The following PANK4 variants were observed in gnomAD, a reference collection of about 807,000 sequenced individuals.
The protein encoded by PANK4 is pantothenate kinase 4 (inactive).
In PANK4, 40 loss-of-function variants were observed where a neutral mutation model predicts 87.9. That is an observed-to-expected ratio of 0.46 (90% CI 0.35 to 0.59). The LOEUF is 0.59. PANK4 is among the 20% of genes least tolerant of loss of function. The pLI is 0.00. For missense variants in PANK4, 926 were observed against 1,072.3 expected (o/e 0.86, Z 1.90); for synonymous variants, 524 against 467.4 (o/e 1.12, Z -1.56).
Position 2,519,140 on chromosome 1 carries a change from T to C in PANK4, c.1035+3A>G, listed in dbSNP as rs775623024. ...AGGCTGGGGAGGGCGGCGCATCCGT[T>C]ACCTTGGAGAAGAAGTTGATGCTAT... is the stretch of plus-strand genomic sequence containing the variant. On this transcript the variant is annotated splice_donor_region_variant and intron_variant, in intron 7 of 18. Coordinates refer to ENST00000378466, the MANE Select transcript of PANK4 (RefSeq NM_018216.4). The surrounding 1 kb of genome is among the most constrained non-coding windows in gnomAD (Gnocchi z 8.3). The C allele has an allele frequency of 8.1e-6, 13 of 1,610,444 alleles. No homozygotes were observed. The highest frequency in any genetic ancestry group is 1.1e-5 in the Non-Finnish European group (13 of 1,178,522).
chr1:2,511,293 C>A (rs368798255), intron 15 of PANK4, 45 bp downstream of exon 15: 2 of 1,432,074 alleles, frequency 1.4e-6, no homozygotes, highest in Non-Finnish European at 2.0e-6. Context: ...CCCCCCGGGC[C>A]CCGCTGTGTC....
chr1:2,511,027 C>T (rs1341790671), intron 15 of PANK4, among the ~76,000 whole-genome samples: 1 of 151,826 alleles, frequency 6.6e-6, no homozygotes, highest in Non-Finnish European at 1.5e-5. Context: ...GGCACCGGGA[C>T]GGGCCAGCCT....
At chr1:2,518,291 G>T (rs759887216) in intron 8 of PANK4, 27 bp from the exon 9 acceptor site, 22 of 1,500,824 alleles carry the variant, frequency 1.5e-5, no homozygotes, top group Non-Finnish European at 2.0e-5. Flanking sequence ...CAGGTCACTT[G>T]TGTTAACCTT....
At chr1:2,517,209 C>T (rs1339475831) in intron 9 of PANK4, among the ~76,000 whole-genome samples, 2 of 152,236 alleles carry the variant, frequency 1.3e-5, no homozygotes, top group Non-Finnish European at 2.9e-5. Context: ...CTGCCTAGTG[C>T]TGGCGGTGGG....
chr1:2,514,911 C>T (rs528355029), intron 10 of PANK4, among the ~76,000 whole-genome samples: 122 of 152,116 alleles, frequency 8.0e-4, no homozygotes, highest in Non-Finnish European at 8.4e-4. Flanking sequence ...TCCTCAGACT[C>T]GAGCCCCCAT....
Position 2,510,625 on chromosome 1 carries a change from C to T in PANK4, c.1938+53G>A. On this transcript the variant is annotated intron_variant, in intron 16 of 18. Coordinates refer to ENST00000378466, the MANE Select transcript of PANK4 (RefSeq NM_018216.4). The surrounding 1 kb of genome is among the most constrained non-coding windows in gnomAD (Gnocchi z 4.9). ...GAGGCCCACAGCGGCGCCAACCCCACCGAGAGCAGAGAAGCCCAGGGGAAG... is the reference window on the plus strand; with the variant it reads ...GAGGCCCACAGCGGCGCCAACCCCATCGAGAGCAGAGAAGCCCAGGGGAAG... 2 of 1,112,328 alleles carry T rather than the reference C, an allele frequency of 1.8e-6. No homozygotes were observed. The highest frequency in any genetic ancestry group is 1.2e-5 in the South Asian group (1 of 80,410). 68.9% of individuals were successfully genotyped at this position (1,112,328 alleles called of 1,614,324 possible).
chr1:2,519,076 G>A lies in PANK4; in HGVS notation c.1035+67C>T, dbSNP rs963325932. 2.0e-6 allele frequency: 3 copies of A among 1,467,442 alleles called. No individual in the cohort carries two copies. Among genetic ancestry groups the A allele is most frequent in the Non-Finnish European group, 2.8e-6 (3 of 1,064,004 alleles). The allele number at this position is 1,467,442 out of a possible 1,614,324, so 90.9% of individuals were successfully genotyped here. On this transcript the variant is annotated intron_variant, in intron 7 of 18. Transcript: ENST00000378466. This position sits in a 1 kb window ranked among gnomAD's most constrained non-coding sequence, Gnocchi z 8.3. ...CTGGGGGTGCTGCGGTGTCTAACCA[G>A]CATGACTGATTGGGAAGATCCTGGG...
chr1:2,508,707 A>T lies in PANK4; in HGVS notation c.*140T>A. ...AAGCTGCGTCTCGCCTCTGGGTCAC[A>T]CGCATCTGTGCGGCTGGGGTGTATG... On this transcript the variant is annotated 3_prime_UTR_variant, in exon 19 of 19. Coordinates refer to ENST00000378466, the MANE Select transcript of PANK4 (RefSeq NM_018216.4). This position sits in a 1 kb window ranked among gnomAD's most constrained non-coding sequence, Gnocchi z 5.1. The T allele has an allele frequency of 1.6e-6, 1 of 617,898 alleles. No homozygotes were observed. Among genetic ancestry groups the T allele is most frequent in the Non-Finnish European group, 2.9e-6 (1 of 343,098 alleles). 38.3% of individuals were successfully genotyped at this position (617,898 alleles called of 1,614,324 possible).
chr1:2,510,058 G>C lies in PANK4; in HGVS notation c.2038C>G (p.His680Asp). 6.2e-7 allele frequency: 1 copy of C among 1,606,980 alleles called. No homozygotes were observed. Among genetic ancestry groups the C allele is most frequent in the Middle Eastern group, 1.7e-4 (1 of 6,056 alleles). Residue 680 changes from histidine (H) to aspartate (D), a missense_variant and splice_region_variant, in exon 17 of 19, where the codon CAC (histidine) becomes GAC (aspartate). By Grantham distance (81) the His-to-Asp change is moderately conservative. Coordinates refer to ENST00000378466, the MANE Select transcript of PANK4 (RefSeq NM_018216.4). This position sits in a 1 kb window ranked among gnomAD's most constrained non-coding sequence, Gnocchi z 4.9. The stretch of plus-strand genomic sequence containing the variant: ...CCAGCACTGCCCGCCAACACTCACT[G>C]CACGACAGGGTCCATGCCCGCAATA... ...ERIAGMDPVVHSALQEERLLL... is the reference protein window; with the variant it reads ...ERIAGMDPVVDSALQEERLLL...
At chr1:2,511,270 C>A (rs567816809) in intron 15 of PANK4, 68 bp downstream of exon 15, 2 of 1,142,874 alleles carry the variant, frequency 1.7e-6, no homozygotes, top group South Asian at 1.2e-5. Context: ...GCCCACCTCC[C>A]TCCAGTGACC....
At position 2,520,517 on chromosome 1, in the gene PANK4, C is replaced by T. The variant is rs1304926344; in HGVS notation, c.607-103G>A. On this transcript the variant is annotated intron_variant, in intron 4 of 18. Coordinates refer to ENST00000378466, the MANE Select transcript of PANK4 (RefSeq NM_018216.4). This position sits in a 1 kb window ranked among gnomAD's most constrained non-coding sequence, Gnocchi z 6.2. The stretch of plus-strand genomic sequence containing the variant: ...TGCGCTGGGGTGAACCCCGCCCCCA[C>T]CCCAACCGCCAGTGGGAGGACTCTC... 1 of 1,072,940 alleles carries T rather than the reference C, an allele frequency of 9.3e-7. No individual in the cohort carries two copies. Among genetic ancestry groups the T allele is most frequent in the Non-Finnish European group, 1.4e-6 (1 of 734,700 alleles). 66.5% of individuals were successfully genotyped at this position (1,072,940 alleles called of 1,614,324 possible). A position where few individuals can be genotyped will look rare whatever the true frequency, so the allele number is the denominator to read the frequency against.
In PANK4 at chr1:2,519,371, C is replaced by A; in HGVS notation, c.854-47G>T. 1 of 1,433,500 alleles carries A rather than the reference C, an allele frequency of 7.0e-7. No individual in the cohort carries two copies. Among genetic ancestry groups the A allele is most frequent in the South Asian group, 1.2e-5 (1 of 80,874 alleles). 88.8% of individuals were successfully genotyped at this position (1,433,500 alleles called of 1,614,324 possible). On this transcript the variant is annotated intron_variant, in intron 6 of 18. Transcript: ENST00000378466. The surrounding 1 kb of genome is among the most constrained non-coding windows in gnomAD (Gnocchi z 8.3). ...CACTCATCTCCAAGTACAGCAAGTG[C>A]ACGACATGAGAGCGAGCAGGAGGGG...
At chr1:2,518,935 C>T (rs1643835389) in intron 7 of PANK4, among the ~76,000 whole-genome samples, 1 of 152,244 alleles carries the variant, frequency 6.6e-6, no homozygotes, top group Non-Finnish European at 1.5e-5. Context: ...CTAGAATGCT[C>T]ATCACTGGTG....
rs774664906 is a variant in PANK4, at chr1:2,519,108, G to A, written c.1035+35C>T. 9 of 1,586,670 alleles carry A rather than the reference G, an allele frequency of 5.7e-6. No individual in the cohort carries two copies. The highest frequency in any genetic ancestry group is 7.8e-6 in the Non-Finnish European group (9 of 1,160,516). On this transcript the variant is annotated intron_variant, in intron 7 of 18. Transcript: ENST00000378466. The surrounding 1 kb of genome is among the most constrained non-coding windows in gnomAD (Gnocchi z 8.3). ...TGATTGGGAAGATCCTGGGGGGTCT[G>A]CGTTAGAGGCTGGGGAGGGCGGCGC...
rs756129472 is a variant in PANK4, at chr1:2,519,251, G to T, written c.927C>A (p.Leu309=). Residue 309 remains leucine (L), a synonymous_variant, in exon 7 of 19, where the codon CTC becomes CTA. Transcript: ENST00000378466. This position sits in a 1 kb window ranked among gnomAD's most constrained non-coding sequence, Gnocchi z 8.3. ...GGTCCAGGCTGTGCAGCCGTGCGTG[G>T]AGGCAGGCCAGCTGCCCAATGTCGT... ...ISNDIGQLAC[L]HARLHSLDRV... 1 of 1,612,654 alleles carries T rather than the reference G, an allele frequency of 6.2e-7. No individual in the cohort carries two copies. Among genetic ancestry groups the T allele is most frequent in the South Asian group, 1.1e-5 (1 of 91,084 alleles).
intron 12 of PANK4, 146 bp from the exon 13 acceptor site, chr1:2,513,185 C>G (rs1374755420): frequency 2.4e-5 from 20 of 825,268 alleles, no homozygotes; most frequent in Non-Finnish European, 3.8e-5. Context: ...ACAAGCCTAT[C>G]GGTCCGGGAC....
At chr1:2,517,468 G>A (rs1643801339) in intron 9 of PANK4, among the ~76,000 whole-genome samples, 1 of 152,260 alleles carries the variant, frequency 6.6e-6, no homozygotes, top group South Asian at 2.1e-4. Context: ...ACTGCTCACA[G>A]CTACAGAAGG....
At position 2,521,712 on chromosome 1, in the gene PANK4, G is replaced by C. The variant is rs1162823928; in HGVS notation, c.207+6C>G. ...CCTGCCCCGGGTGGCCACAGTGCAG[G>C]CTCACCTTTCCGGAGTGGTCGAAAG... On this transcript the variant is annotated splice_donor_region_variant and intron_variant, in intron 2 of 18. Transcript: ENST00000378466. 4 of 1,611,662 alleles carry C rather than the reference G, an allele frequency of 2.5e-6. No individual in the cohort carries two copies. Among genetic ancestry groups the C allele is most frequent in the Non-Finnish European group, 3.4e-6 (4 of 1,178,098 alleles).
In PANK4 at chr1:2,509,188, C is replaced by G. The variant is rs1643618170; in HGVS notation, c.2109-128G>C. ...ATTCCCTGATGTGGAGGCCTCCAAACCCAGCCTCCGCCTGGTAGCTGCCTC... is the reference window on the plus strand; with the variant it reads ...ATTCCCTGATGTGGAGGCCTCCAAAGCCAGCCTCCGCCTGGTAGCTGCCTC... On this transcript the variant is annotated intron_variant, in intron 18 of 18. Transcript: ENST00000378466. This position sits in a 1 kb window ranked among gnomAD's most constrained non-coding sequence, Gnocchi z 4.9. The G allele has an allele frequency of 1.4e-6, 1 of 710,974 alleles. No homozygotes were observed. The highest frequency in any genetic ancestry group is 2.3e-6 in the Non-Finnish European group (1 of 431,692). The allele number at this position is 710,974 out of a possible 1,614,324, so 44.0% of individuals were successfully genotyped here. A position where few individuals can be genotyped will look rare whatever the true frequency, so the allele number is the denominator to read the frequency against.
Sources: gnomAD v4.1 joint callset for allele counts (sites outside exome capture counted in the v4.1 genomes callset) on GRCh38, gnomAD v4.1.1 for gene constraint, Gnocchi (gnomAD v3.1) non-coding constraint, MANE v1.5 for transcripts, NCBI Gene and HGNC (gene_info 2026-07-23, HGNC 2026-07-21) for gene names.